Variants in LIPI observed in about 807,000 individuals in gnomAD.
The protein encoded by LIPI is lipase member I.
LIPI carries 59 observed loss-of-function variants against 50.6 expected under a neutral mutation model. That is an observed-to-expected ratio of 1.16 (90% confidence interval 0.94 to 1.45). The LOEUF (loss-of-function observed/expected upper bound fraction) is 1.45. LIPI is among the 40% of genes most tolerant of loss of function. LIPI has a pLI of 0.00. For synonymous variants in LIPI, 203 were observed against 178.2 expected (o/e 1.14, Z -1.11); for missense variants, 586 against 536.3 (o/e 1.09, Z -0.92).
At chr21:14,171,440 G>C (rs1021850938) in intron 4 of LIPI, among the ~76,000 whole-genome samples, 8 of 151,094 alleles carry the variant, frequency 5.3e-5, no homozygotes, top group African/African-American at 1.9e-4. Context: ...AAAGTTGGAG[G>C]CATCACGCTA....
At chr21:14,161,720 A>T (rs12482099) in intron 7 of LIPI, among the ~76,000 whole-genome samples, 1 of 31,818 alleles carries the variant, frequency 3.1e-5, no homozygotes, top group Admixed American at 4.8e-4. Context: ...ATATATTAAT[A>T]TATAATATAT....
chr21:14,165,522 G>C, intron 5 of LIPI, 132 bp from the exon 6 acceptor site: 1 of 635,310 alleles, frequency 1.6e-6, no homozygotes, highest in Middle Eastern at 3.8e-4. Context: ...ATAATACACA[G>C]TTTTATGTCA....
intron 1 of LIPI, among the ~76,000 whole-genome samples, chr21:14,197,878 C>G (rs188157601): frequency 1.9e-4 from 29 of 151,908 alleles, no homozygotes; most frequent in African/African-American, 6.5e-4. Context: ...AGAGAAAAAC[C>G]AGGTCACCTA....
In LIPI at chr21:14,108,977, G is replaced by A. The variant is rs746275466; in HGVS notation, c.*16C>T. 37 of 1,610,826 alleles carry A rather than the reference G, an allele frequency of 2.3e-5. No homozygotes were observed. The highest frequency in any genetic ancestry group is 3.3e-5 in the Admixed American group (2 of 59,980). ...CATTAATTCACAAGCAAGTGCATTT[G>A]ATGGAAGAAGGCATCTTATGTGTTC... On this transcript the variant is annotated 3_prime_UTR_variant, in exon 10 of 10. Coordinates refer to ENST00000681601, the MANE Select transcript of LIPI (RefSeq NM_001302998.2).
chr21:14,169,490 G>C (rs1040726667), intron 4 of LIPI, among the ~76,000 whole-genome samples: 3 of 152,146 alleles, frequency 2.0e-5, no homozygotes, highest in Admixed American at 6.5e-5. Flanking sequence ...AAATGTAAAA[G>C]AACAGAAATT....
chr21:14,167,583 C>T (rs562082032), intron 4 of LIPI, among the ~76,000 whole-genome samples: 3 of 152,194 alleles, frequency 2.0e-5, no homozygotes, highest in Non-Finnish European at 2.9e-5. Flanking sequence ...GCAGCCACCA[C>T]GGCTGATACC....
intron 3 of LIPI, among the ~76,000 whole-genome samples, chr21:14,185,436 C>T (rs1240181457): frequency 6.6e-6 from 1 of 152,158 alleles, no homozygotes; most frequent in Non-Finnish European, 1.5e-5. Context: ...ATGTTTTTCT[C>T]CCATTTCCAT....
chr21:14,181,667 A>T (rs756485774), intron 4 of LIPI, 91 bp downstream of exon 4: 15 of 717,376 alleles, frequency 2.1e-5, no homozygotes, highest in African/African-American at 3.5e-5. Context: ...TTTATCCATG[A>T]TGTTTTTTCT....
intron 9 of LIPI, among the ~76,000 whole-genome samples, chr21:14,121,577 C>T (rs752826178): frequency 6.6e-6 from 1 of 152,164 alleles, no homozygotes; most frequent in African/African-American, 2.4e-5. Context: ...TACCTGTTAG[C>T]CTTACAGATG....
intron 8 of LIPI, among the ~76,000 whole-genome samples, chr21:14,148,472 C>G (rs1445186233): frequency 6.6e-6 from 1 of 152,128 alleles, no homozygotes; most frequent in African/African-American, 2.4e-5. Context: ...GAATATATGA[C>G]AGTGGTCCCA....
intron 9 of LIPI, among the ~76,000 whole-genome samples, chr21:14,120,405 C>T (rs546409088): frequency 1.8e-4 from 28 of 152,290 alleles, no homozygotes; most frequent in Middle Eastern, 3.4e-3. Context: ...CTTGCATGCT[C>T]ATGGAGCCAT....
chr21:14,206,930 G>T, intron 1 of LIPI: 1 of 1,555,204 alleles, frequency 6.4e-7, no homozygotes, highest in South Asian at 1.1e-5. Flanking sequence ...ACATAAATAA[G>T]ACCCTATCAG....
At chr21:14,168,979 A>C (rs938069007) in intron 4 of LIPI, among the ~76,000 whole-genome samples, 5 of 151,440 alleles carry the variant, frequency 3.3e-5, no homozygotes, top group Admixed American at 3.3e-4. Flanking sequence ...TCTCAAGTGC[A>C]GAGACACACA....
intron 1 of LIPI, among the ~76,000 whole-genome samples, chr21:14,194,424 G>GGATA (rs60208870): frequency 0.18 from 26,748 of 152,010 alleles, 2,791 homozygotes; most frequent in South Asian, 0.29. Flanking sequence ...ACAGGTGAAT[G>GGATA]AACAAAACCT....
intron 7 of LIPI, among the ~76,000 whole-genome samples, chr21:14,153,219 G>A (rs764336279): frequency 6.6e-6 from 1 of 152,090 alleles, no homozygotes; most frequent in Non-Finnish European, 1.5e-5. Context: ...TCTTGCACAG[G>A]AAAGGATGCT....
chr21:14,168,600 T>C (rs2018778719), intron 4 of LIPI, among the ~76,000 whole-genome samples: 2 of 152,232 alleles, frequency 1.3e-5, no homozygotes, highest in Non-Finnish European at 1.5e-5. Flanking sequence ...CAGAATTTCA[T>C]ATCCAGCCAA....
chr21:14,146,013 C>T (rs2017890571), intron 8 of LIPI, among the ~76,000 whole-genome samples: 1 of 152,092 alleles, frequency 6.6e-6, no homozygotes, highest in Non-Finnish European at 1.5e-5. Flanking sequence ...TTTCCATGAA[C>T]ATATCCAAAT....
intron 9 of LIPI, among the ~76,000 whole-genome samples, chr21:14,135,628 G>C (rs2017468013): frequency 6.6e-6 from 1 of 152,162 alleles, no homozygotes; most frequent in South Asian, 2.1e-4. Flanking sequence ...TTGCCACAGG[G>C]GAATCAGCAA....
intron 4 of LIPI, among the ~76,000 whole-genome samples, chr21:14,179,239 G>T (rs1353311198): frequency 6.6e-6 from 1 of 151,744 alleles, no homozygotes; most frequent in Non-Finnish European, 1.5e-5. Flanking sequence ...AGGATTACTG[G>T]CAAGTAGAAG....
Sources: gnomAD v4.1 joint callset for allele counts (sites outside exome capture counted in the v4.1 genomes callset) on GRCh38, gnomAD v4.1.1 for gene constraint, MANE v1.5 for transcripts, NCBI Gene and HGNC (gene_info 2026-07-23, HGNC 2026-07-21) for gene names.